Variants in TXNRD1 observed in about 807,000 individuals in gnomAD.
The protein encoded by TXNRD1 is thioredoxin reductase 1, cytoplasmic.
TXNRD1 carries 57 observed loss-of-function variants against 80.3 expected under a neutral mutation model. The observed-to-expected ratio is 0.71, with a 90% CI of 0.57 to 0.89. The LOEUF is 0.89. TXNRD1 is among the 40% of genes least tolerant of loss of function. The pLI is 0.00. For synonymous variants in TXNRD1, 291 were observed against 285.2 expected (o/e 1.02, Z -0.20); for missense variants, 730 against 803.0 (o/e 0.91, Z 1.10).
At position 104,326,063 on chromosome 12, in the gene TXNRD1, G is replaced by T. The variant is rs34506212; in HGVS notation, c.1309-284G>T. Among the ~76,000 whole-genome samples the T allele has an allele frequency of 6.0e-4, 91 of 152,254 alleles. No individual in the cohort carries two copies. The East Asian group carries it at 0.015, about 25-fold the overall frequency. ...AAAAAATAATTTAGTTACAGACTATGATGTCATTGTCTTTAAACTTGGATA... is the reference window on the plus strand; with the variant it reads ...AAAAAATAATTTAGTTACAGACTATTATGTCATTGTCTTTAAACTTGGATA... On this transcript the variant is annotated intron_variant, in intron 11 of 16. Transcript: ENST00000525566.
At chr12:104,238,926 A>C (rs892623495) in intron 1 of TXNRD1, among the ~76,000 whole-genome samples, 1 of 151,896 alleles carries the variant, frequency 6.6e-6, no homozygotes, top group Non-Finnish European at 1.5e-5. Context: ...AGCTCACTGC[A>C]ACCTTTGCCT....
chr12:104,321,047 A>G, intron 9 of TXNRD1, 44 bp from the exon 10 acceptor site: 2 of 1,334,104 alleles, frequency 1.5e-6, no homozygotes, highest in Non-Finnish European at 2.1e-6. Flanking sequence ...TTATATAGGA[A>G]CTTTCTTTTT....
At chr12:104,294,628 G>A (rs968475699) in intron 4 of TXNRD1, among the ~76,000 whole-genome samples, 1 of 152,132 alleles carries the variant, frequency 6.6e-6, no homozygotes, top group Non-Finnish European at 1.5e-5. Flanking sequence ...GGAACAGCTC[G>A]TGTCCTCTGT....
At chr12:104,301,368 C>CAAAAAAGACTCCATTTTTTTT (rs2034619473) in intron 4 of TXNRD1, among the ~76,000 whole-genome samples, 1 of 151,840 alleles carries the variant, frequency 6.6e-6, no homozygotes. Flanking sequence ...GATGGAGTCT[C>CAAAAAAGACTCCATTTTTTTT]GCTCTGTCGC....
In TXNRD1 at chr12:104,349,627, G is replaced by A. The variant is rs768582859; in HGVS notation, c.*1206G>A. 1.3e-5 allele frequency: 2 copies of A among 152,580 alleles called. No homozygotes were observed. Among genetic ancestry groups the A allele is most frequent in the Non-Finnish European group, 2.9e-5 (2 of 68,040 alleles). 9.5% of individuals were successfully genotyped at this position (152,580 alleles called of 1,614,324 possible). A position where few individuals can be genotyped will look rare whatever the true frequency, so the allele number is the denominator to read the frequency against. ...TTTCAACTTGCATTATTATAAAGAGGTATTAATGCCTCAGTTATGTGTTTG... is the reference window on the plus strand; with the variant it reads ...TTTCAACTTGCATTATTATAAAGAGATATTAATGCCTCAGTTATGTGTTTG... On this transcript the variant is annotated 3_prime_UTR_variant, in exon 17 of 17. Coordinates refer to ENST00000525566, the MANE Select transcript of TXNRD1 (RefSeq NM_001093771.3).
intron 1 of TXNRD1, among the ~76,000 whole-genome samples, chr12:104,248,755 C>T (rs1401340658): frequency 6.6e-6 from 1 of 152,224 alleles, no homozygotes; most frequent in Non-Finnish European, 1.5e-5. Context: ...CTGGTATACT[C>T]TGCAACAAAT....
At chr12:104,335,216 T>A (rs2036094299) in intron 15 of TXNRD1, among the ~76,000 whole-genome samples, 2 of 150,918 alleles carry the variant, frequency 1.3e-5, no homozygotes, top group Non-Finnish European at 3.0e-5. Context: ...TTTTTTTTTT[T>A]TTTGAGACGG....
At chr12:104,257,362 G>A (rs1389082835) in intron 2 of TXNRD1, among the ~76,000 whole-genome samples, 1 of 145,806 alleles carries the variant, frequency 6.9e-6, no homozygotes, top group African/African-American at 2.5e-5. Context: ...TTTTTCCCAG[G>A]TTTGCCACAT....
At chr12:104,324,362 T>C (rs2035678186) in intron 10 of TXNRD1, among the ~76,000 whole-genome samples, 1 of 147,478 alleles carries the variant, frequency 6.8e-6, no homozygotes, top group Non-Finnish European at 1.5e-5. Context: ...CGTTTTTTTT[T>C]TTTTTTTGAG....
chr12:104,241,319 G>C (rs558699199), intron 1 of TXNRD1, among the ~76,000 whole-genome samples: 1 of 152,244 alleles, frequency 6.6e-6, no homozygotes, highest in South Asian at 2.1e-4. Flanking sequence ...GATTACAGAC[G>C]TGAGCCACTG....
At chr12:104,245,826 G>C (rs1327081173) in intron 1 of TXNRD1, among the ~76,000 whole-genome samples, 2 of 151,526 alleles carry the variant, frequency 1.3e-5, no homozygotes, top group African/African-American at 2.4e-5. Flanking sequence ...ATGACATTTC[G>C]GGGCCGGGCG....
At chr12:104,283,419 T>G (rs1262698191) in intron 3 of TXNRD1, among the ~76,000 whole-genome samples, 1 of 151,964 alleles carries the variant, frequency 6.6e-6, no homozygotes, top group Non-Finnish European at 1.5e-5. Flanking sequence ...GCCCAGCTAA[T>G]TTTTGTATTT....
At chr12:104,304,244 G>T (rs1429280095) in intron 4 of TXNRD1, 2 of 1,613,952 alleles carry the variant, frequency 1.2e-6, no homozygotes, top group South Asian at 2.2e-5. Flanking sequence ...TAAAGAAAAG[G>T]CAAAGCAGTT....
At chr12:104,324,500 C>A (rs1035672634) in intron 10 of TXNRD1, among the ~76,000 whole-genome samples, 1 of 151,874 alleles carries the variant, frequency 6.6e-6, no homozygotes, top group Admixed American at 6.6e-5. Flanking sequence ...TACAGGCGCC[C>A]GCCACCACGC....
intron 3 of TXNRD1, among the ~76,000 whole-genome samples, chr12:104,258,515 T>C (rs2033300712): frequency 6.6e-6 from 1 of 152,238 alleles, no homozygotes; most frequent in East Asian, 1.9e-4. Context: ...AAAGTGCTAC[T>C]GGGAAATCCC....
chr12:104,346,017 A>G lies in TXNRD1; in HGVS notation c.1882-2336A>G, dbSNP rs927432928. The G allele has an allele frequency of 2.3e-6, 3 of 1,286,454 alleles. No homozygotes were observed. The Admixed American group carries it at 6.9e-5, about 30-fold the overall frequency. 79.7% of individuals were successfully genotyped at this position (1,286,454 alleles called of 1,614,324 possible). ...ATGAAATCTGTCAATTGACCCAAGCAGTTTTTTTCATTTATTTGAGATAGG... is the reference window on the plus strand; with the variant it reads ...ATGAAATCTGTCAATTGACCCAAGCGGTTTTTTTCATTTATTTGAGATAGG... On this transcript the variant is annotated intron_variant, in intron 16 of 16. Coordinates refer to ENST00000525566, the MANE Select transcript of TXNRD1 (RefSeq NM_001093771.3).
chr12:104,341,160 AGCCAAAG>A (rs2036312129), intron 16 of TXNRD1, among the ~76,000 whole-genome samples: 1 of 152,170 alleles, frequency 6.6e-6, no homozygotes, highest in African/African-American at 2.4e-5. Flanking sequence ...TGGGGAGGTC[AGCCAAAG>A]GCCTGTTCTC....
chr12:104,218,279 C>T (rs1431212430), intron 1 of TXNRD1, among the ~76,000 whole-genome samples: 1 of 152,108 alleles, frequency 6.6e-6, no homozygotes, highest in Non-Finnish European at 1.5e-5. Context: ...CCGCCTCAGC[C>T]TCCCAAAGTG....
intron 4 of TXNRD1, 70 bp from the exon 5 acceptor site, chr12:104,311,220 T>C: frequency 6.8e-7 from 1 of 1,473,916 alleles, no homozygotes; most frequent in Non-Finnish European, 9.0e-7. Context: ...AGAAAAGATT[T>C]TCTTACAAAG....
Sources: gnomAD v4.1 joint callset for allele counts (sites outside exome capture counted in the v4.1 genomes callset) on GRCh38, gnomAD v4.1.1 for gene constraint, MANE v1.5 for transcripts, NCBI Gene and HGNC (gene_info 2026-07-23, HGNC 2026-07-21) for gene names.